The following SBNO1 variants were observed in gnomAD, a reference collection of about 807,000 sequenced individuals.
The protein encoded by SBNO1 is strawberry notch homolog 1, also known as protein strawberry notch homolog 1.
A neutral mutation model predicts 173.6 loss-of-function variants in SBNO1; 23 were observed. The observed-to-expected ratio is 0.13, with a 90% confidence interval of 0.10 to 0.19. The LOEUF is 0.19. SBNO1 is among the 10% of genes least tolerant of loss of function. The probability of loss-of-function intolerance (pLI) is 1.00; values close to 1 mark genes in which losing one functional copy is unlikely to be tolerated. For missense variants in SBNO1, 1,238 were observed against 1,671.2 expected (o/e 0.74, Z 4.52); for synonymous variants, 632 against 571.5 (o/e 1.11, Z -1.51).
Position 123,339,414 on chromosome 12 carries a change from T to A in SBNO1, c.651+1574A>T, listed in dbSNP as rs544298875. Among the ~76,000 whole-genome samples the A allele has an allele frequency of 3.9e-5, 6 of 152,120 alleles. No homozygotes were observed. In the South Asian group the frequency reaches 1.2e-3, roughly 32 times the overall value. On this transcript the variant is annotated intron_variant, in intron 5 of 31. Transcript: ENST00000602398. The stretch of plus-strand genomic sequence containing the variant: ...GAATCTGTCTTCCCTACCCCTTTAC[T>A]CAGTCTGCACCCCAACTTCTCCTGA...
At chr12:123,299,455 G>A (rs1239157570) in intron 30 of SBNO1, among the ~76,000 whole-genome samples, 4 of 151,918 alleles carry the variant, frequency 2.6e-5, no homozygotes, top group Non-Finnish European at 5.9e-5. Flanking sequence ...GCCGAAGCAG[G>A]CAGATCATGA....
At chr12:123,296,127 T>C (rs989719805) in intron 31 of SBNO1, 77 bp from the exon 32 acceptor site, 2 of 900,658 alleles carry the variant, frequency 2.2e-6, no homozygotes, top group Middle Eastern at 4.5e-4. Flanking sequence ...AGATTCCAAA[T>C]GAGGCATAAT....
Position 123,345,251 on chromosome 12 carries a change from G to C in SBNO1, c.550+7C>G, listed in dbSNP as rs754121481. The C allele has an allele frequency of 3.7e-6, 6 of 1,609,000 alleles. No homozygotes were observed. The African/African-American group carries it at 8.0e-5, about 22-fold the overall frequency. On this transcript the variant is annotated splice_region_variant and intron_variant, in intron 4 of 31. Transcript: ENST00000602398. ...GAGAAAGTTGATACTATTGAAAACA[G>C]ACTTACTAGCTGCTGTTGCTACTGG...
chr12:123,333,953 C>T, intron 7 of SBNO1, 100 bp downstream of exon 7: 1 of 700,108 alleles, frequency 1.4e-6, no homozygotes, highest in South Asian at 3.4e-5. Flanking sequence ...ATTACATTTA[C>T]AAGGTTTTCA....
At chr12:123,323,300 C>T (rs1479476869) in intron 16 of SBNO1, among the ~76,000 whole-genome samples, 2 of 152,204 alleles carry the variant, frequency 1.3e-5, no homozygotes, top group East Asian at 1.9e-4. Flanking sequence ...AATATAGCCA[C>T]TTTAAAATGC....
Position 123,320,413 on chromosome 12 carries a change from G to A in SBNO1, c.2667+19C>T, listed in dbSNP as rs771300560. 6.3e-7 allele frequency: 1 copy of A among 1,593,486 alleles called. No individual in the cohort carries two copies. The highest frequency in any genetic ancestry group is 1.1e-5 in the South Asian group (1 of 87,950). Reference sequence around the variant, plus strand: ...GTTCAAATGGCAAAAATGTCACCAAGAGATACAGGCCTATTTACCTCAGCA... The same window carrying A: ...GTTCAAATGGCAAAAATGTCACCAAAAGATACAGGCCTATTTACCTCAGCA... On this transcript the variant is annotated intron_variant, in intron 19 of 31. Transcript: ENST00000602398.
At position 123,290,240 on chromosome 12, in the gene SBNO1, G is replaced by A. The variant is rs1039225737; in HGVS notation, c.*5668C>T. 3 of 152,266 alleles carry A rather than the reference G, an allele frequency of 2.0e-5. No individual in the cohort carries two copies. Among genetic ancestry groups the A allele is most frequent in the Non-Finnish European group, 4.4e-5 (3 of 68,088 alleles). The allele number at this position is 152,266 out of a possible 1,614,324, so 9.4% of individuals were successfully genotyped here. A position where few individuals can be genotyped will look rare whatever the true frequency, so the allele number is the denominator to read the frequency against. On this transcript the variant is annotated 3_prime_UTR_variant, in exon 32 of 32. Transcript: ENST00000602398. ...GGAGGATGCACACTGGAGGCAATCTGTGACAGGCCCCAATTCACGACAAAT... is the reference window on the plus strand; with the variant it reads ...GGAGGATGCACACTGGAGGCAATCTATGACAGGCCCCAATTCACGACAAAT...
At chr12:123,341,237 T>C in intron 4 of SBNO1, 149 bp from the exon 5 acceptor site, 1 of 559,088 alleles carries the variant, frequency 1.8e-6, no homozygotes, top group Non-Finnish European at 3.1e-6. Flanking sequence ...AATTACAAGG[T>C]CAGGAGTTCA....
chr12:123,359,244 C>T (rs1342862784), intron 1 of SBNO1, among the ~76,000 whole-genome samples: 1 of 146,780 alleles, frequency 6.8e-6, no homozygotes, highest in Admixed American at 6.8e-5. Context: ...ACTGTATCAG[C>T]ATTTTAAAAT....
Position 123,320,708 on chromosome 12 carries a change from T to C in SBNO1, c.2482A>G (p.Ser828Gly). ...GTTTCTGTATGGATACCTGGTGTAC[T>C]GTTAGGAGCAGGTGAGATAACTGGT... is the stretch of plus-strand genomic sequence containing the variant. The part of the protein sequence containing the change: ...STPVISPAPN[S>G]TPANSNTNSN... The change falls in exon 18 of 32, where the codon AGT becomes GGT. Residue 828 changes from serine (S) to glycine (G), a missense_variant. By Grantham distance (56) the Ser-to-Gly change is moderately conservative. Transcript: ENST00000602398. 1 of 1,604,144 alleles carries C rather than the reference T, an allele frequency of 6.2e-7. No homozygotes were observed. Among genetic ancestry groups the C allele is most frequent in the Non-Finnish European group, 8.5e-7 (1 of 1,177,146 alleles).
chr12:123,342,158 G>A (rs1445490578), intron 4 of SBNO1, among the ~76,000 whole-genome samples: 1 of 152,074 alleles, frequency 6.6e-6, no homozygotes, highest in Non-Finnish European at 1.5e-5. Flanking sequence ...GGCTGAGGCA[G>A]AGAACTGCTT....
chr12:123,306,118 T>C (rs538995718), intron 28 of SBNO1, among the ~76,000 whole-genome samples: 1 of 152,332 alleles, frequency 6.6e-6, no homozygotes, highest in African/African-American at 2.4e-5. Context: ...ACATTGTTTA[T>C]ATAATTACTG....
At chr12:123,300,914 G>A (rs1404380072) in intron 30 of SBNO1, among the ~76,000 whole-genome samples, 3 of 133,058 alleles carry the variant, frequency 2.3e-5, no homozygotes, top group Non-Finnish European at 4.8e-5. Flanking sequence ...AGCTGAGATC[G>A]TGCCACTGCA....
intron 1 of SBNO1, among the ~76,000 whole-genome samples, chr12:123,359,163 G>A (rs938789902): frequency 2.0e-5 from 3 of 151,918 alleles, no homozygotes; most frequent in Admixed American, 6.5e-5. Context: ...TCCATCTCCC[G>A]ACCTCGTGAT....
intron 1 of SBNO1, among the ~76,000 whole-genome samples, chr12:123,360,004 G>C (rs891497630): frequency 6.6e-6 from 1 of 152,046 alleles, no homozygotes; most frequent in Non-Finnish European, 1.5e-5. Flanking sequence ...AGTTTGGGAG[G>C]CCAAGCCGGT....
chr12:123,308,115 G>T (rs2048965913), intron 28 of SBNO1, among the ~76,000 whole-genome samples: 1 of 152,034 alleles, frequency 6.6e-6, no homozygotes, highest in Admixed American at 6.6e-5. Flanking sequence ...ATATCTTAGA[G>T]AACTGGCGAA....
intron 1 of SBNO1, among the ~76,000 whole-genome samples, chr12:123,363,628 T>TAA (rs1412118393): frequency 5.3e-5 from 8 of 152,290 alleles, no homozygotes; most frequent in Admixed American, 2.6e-4. Context: ...CGGGTGCACT[T>TAA]ACAATTGGCT....
Position 123,289,790 on chromosome 12 carries a change from A to G in SBNO1, c.*6118T>C, listed in dbSNP as rs1046742529. On this transcript the variant is annotated 3_prime_UTR_variant, in exon 32 of 32. Coordinates refer to ENST00000602398, the MANE Select transcript of SBNO1 (RefSeq NM_001167856.3). ...TGAGACTGCAATGTGCTATGTAGAA[A>G]AAAAGCTCTCTCTGCCCCATAAAGT... 6.6e-6 allele frequency: 1 copy of G among 152,246 alleles called. No individual in the cohort carries two copies. Among genetic ancestry groups the G allele is most frequent in the African/African-American group, 2.4e-5 (1 of 41,464 alleles). The allele number at this position is 152,246 out of a possible 1,614,324, so 9.4% of individuals were successfully genotyped here. A position where few individuals can be genotyped will look rare whatever the true frequency, so the allele number is the denominator to read the frequency against.
intron 1 of SBNO1, among the ~76,000 whole-genome samples, chr12:123,361,866 C>T (rs59799766): frequency 0.032 from 4,834 of 152,206 alleles, 256 homozygotes; most frequent in African/African-American, 0.11. Flanking sequence ...TGAGGCCAGG[C>T]GCGGTGGCTC....
Sources: allele counts gnomAD v4.1 joint callset (sites outside exome capture counted in the v4.1 genomes callset), GRCh38; gene constraint gnomAD v4.1.1; transcripts MANE v1.5; gene names NCBI Gene and HGNC (gene_info 2026-07-23, HGNC 2026-07-21).